The following ASB6 variants were observed in gnomAD, a reference collection of about 807,000 sequenced individuals.
ASB6 encodes the protein ankyrin repeat and SOCS box protein 6.
ASB6 carries 24 observed loss-of-function variants against 28.6 expected under a neutral mutation model. The observed-to-expected ratio is 0.84, with a 90% CI of 0.61 to 1.18. The LOEUF (loss-of-function observed/expected upper bound fraction) is 1.18. Ranked by LOEUF, ASB6 falls within the 50% of genes most tolerant of loss-of-function variation. The probability of loss-of-function intolerance (pLI) is 0.00; values close to 1 mark genes in which losing one functional copy is unlikely to be tolerated. For synonymous variants in ASB6, 267 were observed against 243.4 expected (o/e 1.10, Z -0.90); for missense variants, 519 against 559.8 (o/e 0.93, Z 0.74).
Position 129,635,181 on chromosome 9 carries a change from T to TA in ASB6, c.*2608_*2609insT, listed in dbSNP as rs1381196654. On this transcript the variant is annotated 3_prime_UTR_variant, in exon 6 of 6. Transcript: ENST00000277458. ...GCCGACATCCGCTTGCATGGTGCCC[T>TA]GGTAACCTTGCCTCTGCCCTCCCCA... 6.3e-7 allele frequency: 1 copy of TA among 1,595,080 alleles called. No homozygotes were observed. Among genetic ancestry groups the TA allele is most frequent in the South Asian group, 1.1e-5 (1 of 90,248 alleles).
chr9:129,639,060 C>T, intron 4 of ASB6, 142 bp downstream of exon 4: 1 of 825,414 alleles, frequency 1.2e-6, no homozygotes. Flanking sequence ...CAGCAGAATC[C>T]CTGTGTGCCC....
chr9:129,639,143 T>TGTC, intron 4 of ASB6, 59 bp downstream of exon 4: 1 of 1,491,540 alleles, frequency 6.7e-7, no homozygotes, highest in Non-Finnish European at 9.1e-7. Flanking sequence ...GCACCCTGGG[T>TGTC]GTCCCCCACA....
Position 129,634,949 on chromosome 9 carries a change from C to T in ASB6, c.*2841G>A. 4.0e-6 allele frequency: 2 copies of T among 499,636 alleles called. No individual in the cohort carries two copies. Among genetic ancestry groups the T allele is most frequent in the South Asian group, 4.9e-5 (2 of 40,826 alleles). The allele number at this position is 499,636 out of a possible 1,614,324, so 31.0% of individuals were successfully genotyped here. A position where few individuals can be genotyped will look rare whatever the true frequency, so the allele number is the denominator to read the frequency against. On this transcript the variant is annotated 3_prime_UTR_variant, in exon 6 of 6. Coordinates refer to ENST00000277458, the MANE Select transcript of ASB6 (RefSeq NM_017873.4). ...GTGGGGCATCATGGTGTGTAGGTAT[C>T]AGGCAGGACTTGTAAGCCATCCCGT...
chr9:129,635,180 C>CT lies in ASB6; in HGVS notation c.*2609dup. 6.3e-7 allele frequency: 1 copy of CT among 1,594,742 alleles called. No homozygotes were observed. Among genetic ancestry groups the CT allele is most frequent in the Non-Finnish European group, 8.5e-7 (1 of 1,174,238 alleles). On this transcript the variant is annotated 3_prime_UTR_variant, in exon 6 of 6. Transcript: ENST00000277458. ...TGCCGACATCCGCTTGCATGGTGCC[C>CT]TGGTAACCTTGCCTCTGCCCTCCCC... is the stretch of plus-strand genomic sequence containing the variant.
In ASB6 at chr9:129,638,126, G is replaced by A. The variant is rs745343920; in HGVS notation, c.930C>T (p.His310=). 118 of 1,614,038 alleles carry A rather than the reference G, an allele frequency of 7.3e-5. No individual in the cohort carries two copies. The highest frequency in any genetic ancestry group is 9.7e-5 in the Non-Finnish European group (115 of 1,180,038). The part of the protein sequence containing the change: ...FHIIFERLCS[H]PGCTEDESHA... ...GGCTCTCGTCTTCCGTGCAGCCTGG[G>A]TGGGAACAGAGCCTCTCAAAGATGA... Residue 310 remains histidine (H), a synonymous_variant, in exon 6 of 6, where the codon CAC becomes CAT. Transcript: ENST00000277458.
Position 129,635,721 on chromosome 9 carries a change from C to G in ASB6, c.*2069G>C. 2.2e-6 allele frequency: 1 copy of G among 451,800 alleles called. No individual in the cohort carries two copies. The highest frequency in any genetic ancestry group is 3.9e-5 in the Admixed American group (1 of 25,364). 28.0% of individuals were successfully genotyped at this position (451,800 alleles called of 1,614,324 possible). A position where few individuals can be genotyped will look rare whatever the true frequency, so the allele number is the denominator to read the frequency against. ...GAGATGGGATTGGGTGGAAGGGGCT[C>G]CAGGGCTCCTGGTGCTCCCCATGTG... On this transcript the variant is annotated 3_prime_UTR_variant, in exon 6 of 6. Coordinates refer to ENST00000277458, the MANE Select transcript of ASB6 (RefSeq NM_017873.4).
At chr9:129,639,654 G>T in intron 2 of ASB6, 146 bp from the exon 3 acceptor site, 1 of 715,240 alleles carries the variant, frequency 1.4e-6, no homozygotes, top group Non-Finnish European at 2.3e-6. Context: ...TTAGGACAGA[G>T]CTGTCCTCAC....
At chr9:129,640,835 C>T in intron 1 of ASB6, 113 bp from the exon 2 acceptor site, 1 of 1,309,188 alleles carries the variant, frequency 7.6e-7, no homozygotes. Context: ...AGGGCCCTGG[C>T]TCTGTGGGTC....
Position 129,636,227 on chromosome 9 carries a change from CA to C in ASB6, c.*1562del, listed in dbSNP as rs1000636716. 3.4e-3 allele frequency: 457 copies of C among 134,288 alleles called. No homozygotes were observed. Among genetic ancestry groups the C allele is most frequent in the Non-Finnish European group, 3.3e-3 (206 of 62,028 alleles). The allele number at this position is 134,288 out of a possible 1,614,324, so 8.3% of individuals were successfully genotyped here. A position where few individuals can be genotyped will look rare whatever the true frequency, so the allele number is the denominator to read the frequency against. On this transcript the variant is annotated 3_prime_UTR_variant, in exon 6 of 6. Coordinates refer to ENST00000277458, the MANE Select transcript of ASB6 (RefSeq NM_017873.4). ...TGAAACCCCGTCTCTACTTAAAATA[CA>C]AAAAAAAAAAAAATTAGCCAGGCGT...
intron 4 of ASB6, 88 bp from the exon 5 acceptor site, chr9:129,638,747 T>A: frequency 9.7e-7 from 1 of 1,030,864 alleles, no homozygotes; most frequent in Non-Finnish European, 1.5e-6. Context: ...ATCCAGACAC[T>A]CAGAGGATCA....
chr9:129,634,784 A>C lies in ASB6; in HGVS notation c.*3006T>G. On this transcript the variant is annotated 3_prime_UTR_variant, in exon 6 of 6. Transcript: ENST00000277458. ...CGGGCAGCACAGGCCTGCTGTGGAC[A>C]CTCTAGGTCTGGCCTTGTATTTTGT... 2 of 234,448 alleles carry C rather than the reference A, an allele frequency of 8.5e-6. No individual in the cohort carries two copies. Among genetic ancestry groups the C allele is most frequent in the Non-Finnish European group, 1.7e-5 (2 of 118,786 alleles). 14.5% of individuals were successfully genotyped at this position (234,448 alleles called of 1,614,324 possible). A position where few individuals can be genotyped will look rare whatever the true frequency, so the allele number is the denominator to read the frequency against.
intron 1 of ASB6, 76 bp downstream of exon 1, chr9:129,641,811 C>G (rs1296170119): frequency 1.9e-5 from 27 of 1,404,120 alleles, no homozygotes; most frequent in Non-Finnish European, 2.6e-5. Flanking sequence ...ATCCACCCCG[C>G]CCGGCTTGTG....
Position 129,637,666 on chromosome 9 carries a change from T to A in ASB6, c.*124A>T. 1 of 1,074,160 alleles carries A rather than the reference T, an allele frequency of 9.3e-7. No individual in the cohort carries two copies. The highest frequency in any genetic ancestry group is 1.3e-6 in the Non-Finnish European group (1 of 791,750). 66.5% of individuals were successfully genotyped at this position (1,074,160 alleles called of 1,614,324 possible). ...AGCTTCAGGCTCTACCTGGCTGGCT[T>A]TTCTCATGAAGGATCCCGTCTCATC... On this transcript the variant is annotated 3_prime_UTR_variant, in exon 6 of 6. Transcript: ENST00000277458.
rs1831574816 is a variant in ASB6, at chr9:129,637,092, G to T, written c.*698C>A. 1 of 152,186 alleles carries T rather than the reference G, an allele frequency of 6.6e-6. No homozygotes were observed. The highest frequency in any genetic ancestry group is 1.5e-5 in the Non-Finnish European group (1 of 68,048). 9.4% of individuals were successfully genotyped at this position (152,186 alleles called of 1,614,324 possible). ...AACAGGAGACACTTCAGAGAGGTCT[G>T]TCCCCAGCCACGCACTCATGATTGC... On this transcript the variant is annotated 3_prime_UTR_variant, in exon 6 of 6. Transcript: ENST00000277458.
chr9:129,641,820 T>G, intron 1 of ASB6, 67 bp downstream of exon 1: 5 of 1,437,276 alleles, frequency 3.5e-6, no homozygotes, highest in Non-Finnish European at 4.7e-6. Flanking sequence ...GCCCGGCTTG[T>G]GGTGATAAAG....
At chr9:129,638,931 C>A (rs1831625728) in intron 4 of ASB6, among the ~76,000 whole-genome samples, 1 of 152,236 alleles carries the variant, frequency 6.6e-6, no homozygotes, top group Admixed American at 6.5e-5. Context: ...CAATGGGAAG[C>A]CATTGTTTCT....
chr9:129,634,755 G>A lies in ASB6; in HGVS notation c.*3035C>T. 1 of 221,966 alleles carries A rather than the reference G, an allele frequency of 4.5e-6. No homozygotes were observed. Among genetic ancestry groups the A allele is most frequent in the South Asian group, 7.5e-5 (1 of 13,386 alleles). 13.7% of individuals were successfully genotyped at this position (221,966 alleles called of 1,614,324 possible). A position where few individuals can be genotyped will look rare whatever the true frequency, so the allele number is the denominator to read the frequency against. ...CGCTAGCAGCAGTCGGCCACCTCCT[G>A]AGGCGGGCAGCACAGGCCTGCTGTG... On this transcript the variant is annotated 3_prime_UTR_variant, in exon 6 of 6. Transcript: ENST00000277458.
Position 129,635,663 on chromosome 9 carries a change from G to A in ASB6, c.*2127C>T, listed in dbSNP as rs1204242869. On this transcript the variant is annotated 3_prime_UTR_variant, in exon 6 of 6. Transcript: ENST00000277458. ...GCGGGGAGGGTGCTGCTGAACCAGC[G>A]GTGAGGCAGGAGCCCAGACCCTGCT... 16 of 650,262 alleles carry A rather than the reference G, an allele frequency of 2.5e-5. No individual in the cohort carries two copies. Among genetic ancestry groups the A allele is most frequent in the South Asian group, 3.9e-5 (2 of 51,898 alleles). 40.3% of individuals were successfully genotyped at this position (650,262 alleles called of 1,614,324 possible).
At position 129,635,807 on chromosome 9, in the gene ASB6, T is replaced by C. The variant is rs774962206; in HGVS notation, c.*1983A>G. ...GGCCTCCAGCCCGGCCTTCCAGCCATGGGCCTGGCTGCCTGAAGAGGAAGG... is the reference window on the plus strand; with the variant it reads ...GGCCTCCAGCCCGGCCTTCCAGCCACGGGCCTGGCTGCCTGAAGAGGAAGG... On this transcript the variant is annotated 3_prime_UTR_variant, in exon 6 of 6. Coordinates refer to ENST00000277458, the MANE Select transcript of ASB6 (RefSeq NM_017873.4). The C allele has an allele frequency of 2.0e-5, 5 of 248,392 alleles. No homozygotes were observed. Among genetic ancestry groups the C allele is most frequent in the Admixed American group, 5.2e-5 (1 of 19,184 alleles). The allele number at this position is 248,392 out of a possible 1,614,324, so 15.4% of individuals were successfully genotyped here. A position where few individuals can be genotyped will look rare whatever the true frequency, so the allele number is the denominator to read the frequency against.
Sources: gnomAD v4.1 joint callset for allele counts (sites outside exome capture counted in the v4.1 genomes callset) on GRCh38, gnomAD v4.1.1 for gene constraint, MANE v1.5 for transcripts, NCBI Gene and HGNC (gene_info 2026-07-23, HGNC 2026-07-21) for gene names.